Variants in TBL1XR1 observed in about 807,000 individuals in gnomAD.
TBL1XR1 encodes TBL1X/Y related 1.
A neutral mutation model predicts 66.9 loss-of-function variants in TBL1XR1; 5 were observed. The ratio of observed to expected loss-of-function variants is 0.07; its 90% CI spans 0.04 to 0.16. The LOEUF (loss-of-function observed/expected upper bound fraction) is 0.16, where lower values mean the gene tolerates loss of function less well. TBL1XR1 is among the 10% of genes least tolerant of loss of function. TBL1XR1 has a pLI of 1.00. For synonymous variants in TBL1XR1, 210 were observed against 206.0 expected, an observed-to-expected ratio of 1.02 and a Z score of -0.17; for missense variants, 238 against 623.2, an observed-to-expected ratio of 0.38 and a Z score of 6.58.
intron 1 of TBL1XR1, among the ~76,000 whole-genome samples, chr3:177,191,646 TAA>T (rs767177837): frequency 6.6e-6 from 1 of 152,154 alleles, no homozygotes; most frequent in Non-Finnish European, 1.5e-5. Flanking sequence ...ACTGAACTTC[TAA>T]GGACAACTAT....
chr3:177,129,584 G>A (rs1408844430), intron 1 of TBL1XR1, among the ~76,000 whole-genome samples: 2 of 152,164 alleles, frequency 1.3e-5, no homozygotes, highest in African/African-American at 4.8e-5. Context: ...TCCAGAGGCT[G>A]GGGATAGAGT....
At chr3:177,194,748 T>A (rs998653328) in intron 1 of TBL1XR1, among the ~76,000 whole-genome samples, 1 of 152,194 alleles carries the variant, frequency 6.6e-6, no homozygotes, top group African/African-American at 2.4e-5. Flanking sequence ...TACCTCTAAT[T>A]CTTTCGGGAG....
chr3:177,089,727 G>A (rs184036060), intron 2 of TBL1XR1, among the ~76,000 whole-genome samples: 75 of 152,262 alleles, frequency 4.9e-4, no homozygotes, highest in South Asian at 4.4e-3. Context: ...TATACAAACA[G>A]AACAAGAGGA....
intron 1 of TBL1XR1, among the ~76,000 whole-genome samples, chr3:177,153,408 T>C (rs1731130684): frequency 6.6e-6 from 1 of 152,200 alleles, no homozygotes; most frequent in African/African-American, 2.4e-5. Flanking sequence ...ATAAGACTTT[T>C]CATTTCAAAA....
intron 15 of TBL1XR1, among the ~76,000 whole-genome samples, 153 bp from the exon 16 acceptor site, chr3:177,025,677 C>A (rs1018157843): frequency 2.6e-5 from 4 of 152,120 alleles, no homozygotes; most frequent in African/African-American, 9.7e-5. Flanking sequence ...ACTTAACTGA[C>A]AGAAATCAGA....
chr3:177,119,003 C>T (rs908061254), intron 1 of TBL1XR1, among the ~76,000 whole-genome samples: 3 of 152,106 alleles, frequency 2.0e-5, no homozygotes, highest in African/African-American at 7.2e-5. Flanking sequence ...CGGAGTTTCA[C>T]TCTTGTACCC....
At chr3:177,183,447 T>C (rs1406123035) in intron 1 of TBL1XR1, among the ~76,000 whole-genome samples, 1 of 152,178 alleles carries the variant, frequency 6.6e-6, no homozygotes, top group Non-Finnish European at 1.5e-5. Context: ...AAGTGACTGA[T>C]AAAGCAGTTG....
At chr3:177,082,823 T>A (rs898798452) in intron 2 of TBL1XR1, among the ~76,000 whole-genome samples, 2 of 144,766 alleles carry the variant, frequency 1.4e-5, no homozygotes, top group African/African-American at 5.1e-5. Flanking sequence ...TGGCACCATC[T>A]GGGCTCACTG....
At chr3:177,046,762 T>G (rs1178134396) in intron 9 of TBL1XR1, among the ~76,000 whole-genome samples, 3 of 152,190 alleles carry the variant, frequency 2.0e-5, no homozygotes, top group African/African-American at 7.2e-5. Flanking sequence ...GTGAACTAGC[T>G]TCTCTCCACT....
Position 177,183,724 on chromosome 3 carries a change from C to G in TBL1XR1, c.-122+13397G>C, listed in dbSNP as rs764031182. On this transcript the variant is annotated intron_variant, in intron 1 of 15. Coordinates refer to ENST00000457928, the MANE Select transcript of TBL1XR1 (RefSeq NM_024665.7). ...AGGTGATCCACCCACCTCAGCCTCC[C>G]AAAGTGCTGGGATTACAGGCATGAG... Among the ~76,000 whole-genome samples, 3 of 151,994 alleles carry G rather than the reference C, an allele frequency of 2.0e-5. No individual in the cohort carries two copies. The South Asian group carries it at 6.2e-4, about 31-fold the overall frequency.
chr3:177,060,804 C>T (rs1718423736), intron 3 of TBL1XR1, among the ~76,000 whole-genome samples: 1 of 152,226 alleles, frequency 6.6e-6, no homozygotes, highest in South Asian at 2.1e-4. Context: ...TATTTATCTG[C>T]ATATGGTTGC....
At chr3:177,159,423 T>C (rs1448666262) in intron 1 of TBL1XR1, among the ~76,000 whole-genome samples, 1 of 152,172 alleles carries the variant, frequency 6.6e-6, no homozygotes, top group Non-Finnish European at 1.5e-5. Flanking sequence ...AACTGTATGA[T>C]TTATTTAAAA....
At chr3:177,178,381 A>G (rs186053695) in intron 1 of TBL1XR1, among the ~76,000 whole-genome samples, 35 of 152,360 alleles carry the variant, frequency 2.3e-4, no homozygotes, top group African/African-American at 7.2e-4. Context: ...ATAAAACAAT[A>G]TAAGCATTCC....
chr3:177,144,446 T>C (rs764595678), intron 1 of TBL1XR1, among the ~76,000 whole-genome samples: 45 of 152,102 alleles, frequency 3.0e-4, no homozygotes, highest in Non-Finnish European at 4.6e-4. Flanking sequence ...AACTGTGTAG[T>C]TGTGAAGTGA....
At chr3:177,050,445 T>G (rs568169959) in intron 6 of TBL1XR1, 33 bp downstream of exon 6, 50 of 1,608,720 alleles carry the variant, frequency 3.1e-5, no homozygotes, top group Non-Finnish European at 4.1e-5. Flanking sequence ...AAGATATTTT[T>G]AAGTCATTTT....
intron 1 of TBL1XR1, among the ~76,000 whole-genome samples, chr3:177,104,438 A>G (rs1724622625): frequency 6.6e-6 from 1 of 152,158 alleles, no homozygotes; most frequent in Admixed American, 6.5e-5. Context: ...TACATCCTCC[A>G]CTGTCCTCAC....
At chr3:177,073,943 T>C (rs912953724) in intron 2 of TBL1XR1, among the ~76,000 whole-genome samples, 2 of 152,174 alleles carry the variant, frequency 1.3e-5, no homozygotes, top group African/African-American at 4.8e-5. Context: ...AGTCTCTCTC[T>C]TGCAGCATTT....
chr3:177,152,872 A>C (rs1230442350), intron 1 of TBL1XR1, among the ~76,000 whole-genome samples: 2 of 152,112 alleles, frequency 1.3e-5, no homozygotes, highest in African/African-American at 2.4e-5. Flanking sequence ...TCTGGCTCAC[A>C]TTCCTATTAA....
chr3:177,116,910 A>C (rs1726376167), intron 1 of TBL1XR1, among the ~76,000 whole-genome samples: 1 of 152,244 alleles, frequency 6.6e-6, no homozygotes, highest in African/African-American at 2.4e-5. Context: ...CAGAAGTACA[A>C]GATTTGCTGA....
Sources: allele counts gnomAD v4.1 joint callset (sites outside exome capture counted in the v4.1 genomes callset), GRCh38; gene constraint gnomAD v4.1.1; transcripts MANE v1.5; gene names NCBI Gene and HGNC (gene_info 2026-07-23, HGNC 2026-07-21).